NEBL: variants seen among roughly 807,000 people sequenced by gnomAD.
The protein encoded by NEBL is nebulette.
In NEBL, 122 loss-of-function variants were observed where a neutral mutation model predicts 140.2. That is an observed-to-expected ratio of 0.87 (90% confidence interval 0.75 to 1.01). NEBL has a LOEUF of 1.01. Among genes scored for constraint, NEBL ranks in the 50% least tolerant of loss-of-function variants. The pLI is 0.00. For missense variants in NEBL, 1,365 were observed against 1,231.3 expected (o/e 1.11, Z -1.62); for synonymous variants, 436 against 398.9 (o/e 1.09, Z -1.11).
At chr10:21,128,667 A>C (rs1056662687) in intron 2 of NEBL, among the ~76,000 whole-genome samples, 2 of 152,348 alleles carry the variant, frequency 1.3e-5, no homozygotes, top group South Asian at 2.1e-4. Flanking sequence ...AAAGCAAAAA[A>C]AAGGAAGACC....
At chr10:20,916,987 A>G (rs1833328500) in intron 4 of NEBL, among the ~76,000 whole-genome samples, 1 of 152,248 alleles carries the variant, frequency 6.6e-6, no homozygotes, top group South Asian at 2.1e-4. Flanking sequence ...TAGTAAATAT[A>G]AAATATCCTA....
chr10:20,809,884 GCC>G lies in NEBL; in HGVS notation c.2531_2532del (p.Trp844SerfsTer11), dbSNP rs1564343293. The G allele has an allele frequency of 6.2e-7, 1 of 1,602,408 alleles. No homozygotes were observed. The highest frequency in any genetic ancestry group is 8.5e-7 in the Non-Finnish European group (1 of 1,174,750). On this transcript the variant is annotated frameshift_variant, in exon 25 of 28. Transcript: ENST00000377122. LOFTEE classifies it high-confidence loss of function. The stretch of plus-strand genomic sequence containing the variant: ...TCGAAGATGGAGCCAGGATCTGTGC[GCC>G]AAACTTTGAGGTCTTTTGCCAAAAG... ...RPGIIVDLKV[W>X]RTDPGSIFDL...
chr10:20,911,010 A>G (rs564646581), intron 4 of NEBL, among the ~76,000 whole-genome samples: 28 of 151,922 alleles, frequency 1.8e-4, no homozygotes, highest in Non-Finnish European at 3.7e-4. Flanking sequence ...TCTAAAATAG[A>G]AAAACTAACT....
At chr10:20,805,001 A>G (rs915362309) in intron 26 of NEBL, among the ~76,000 whole-genome samples, 2 of 152,198 alleles carry the variant, frequency 1.3e-5, no homozygotes, top group South Asian at 4.1e-4. Context: ...ATGAGAGATG[A>G]CAGTGGCTGA....
chr10:21,178,457 A>G (rs1841336986), upstream of NEBL, among the ~76,000 whole-genome samples: 1 of 152,228 alleles, frequency 6.6e-6, no homozygotes, highest in African/African-American at 2.4e-5. Flanking sequence ...GAAATTTCTA[A>G]TTCACACCGG....
intron 4 of NEBL, among the ~76,000 whole-genome samples, chr10:20,912,292 T>C (rs1181359774): frequency 6.6e-6 from 1 of 152,248 alleles, no homozygotes; most frequent in South Asian, 2.1e-4. Context: ...ATGTTTGAAA[T>C]AAAAATGCAT....
intron 20 of NEBL, 97 bp downstream of exon 20, chr10:20,819,327 G>A: frequency 1.3e-6 from 2 of 1,578,650 alleles, no homozygotes; most frequent in East Asian, 2.3e-5. Flanking sequence ...ACGTTCCTGT[G>A]TTAGTTTGCT....
upstream of NEBL, among the ~76,000 whole-genome samples, chr10:21,178,518 C>T (rs1486016459): frequency 2.0e-5 from 3 of 152,172 alleles, no homozygotes; most frequent in Non-Finnish European, 4.4e-5. Context: ...CACATCTCAC[C>T]AGGAGTTGGA....
At chr10:20,969,572 GTC>G (rs1449935258) in intron 3 of NEBL, among the ~76,000 whole-genome samples, 1 of 129,782 alleles carries the variant, frequency 7.7e-6, no homozygotes, top group Non-Finnish European at 1.6e-5. Flanking sequence ...TTGAGACAGA[GTC>G]TCTCTCTGTC....
intron 6 of NEBL, 118 bp from the exon 7 acceptor site, chr10:20,868,883 C>T (rs1271270852): frequency 7.0e-6 from 5 of 715,514 alleles, no homozygotes; most frequent in Non-Finnish European, 1.2e-5. Flanking sequence ...TTCCTTACAA[C>T]ACATCAAACA....
Position 20,787,323 on chromosome 10 carries a change from T to TA in NEBL, c.2762-16dup. The TA allele has an allele frequency of 6.3e-7, 1 of 1,584,528 alleles. No individual in the cohort carries two copies. Among genetic ancestry groups the TA allele is most frequent in the Admixed American group, 1.7e-5 (1 of 59,570 alleles). ...AAGAACAGGTGCTGCATGTTAAACA[T>TA]ACACACACACAAAGATTCCTTAAAG... On this transcript the variant is annotated splice_polypyrimidine_tract_variant and intron_variant, in intron 26 of 27. Transcript: ENST00000377122.
intron 2 of NEBL, among the ~76,000 whole-genome samples, chr10:20,896,511 T>TATATATATATATATAC (rs1450819705): frequency 2.8e-5 from 4 of 142,774 alleles, no homozygotes; most frequent in Non-Finnish European, 6.1e-5. Flanking sequence ...TATATATATA[T>TATATATATATATATAC]ATATATGCAT....
chr10:21,110,415 T>C (rs1438628366), intron 2 of NEBL, among the ~76,000 whole-genome samples: 1 of 152,194 alleles, frequency 6.6e-6, no homozygotes, highest in Non-Finnish European at 1.5e-5. Flanking sequence ...GTAGAAGTTA[T>C]CAAATTTATT....
At chr10:21,098,137 A>G (rs1837284910) in intron 2 of NEBL, among the ~76,000 whole-genome samples, 1 of 152,172 alleles carries the variant, frequency 6.6e-6, no homozygotes, top group Non-Finnish European at 1.5e-5. Context: ...TATAACAGCA[A>G]TAGGGCTAAA....
Position 20,819,919 on chromosome 10 carries a change from G to A in NEBL, c.1963-403C>T, listed in dbSNP as rs182526625. Reference sequence around the variant, plus strand: ...TCAAATGTTTTAAGTCACACTTTTTGTTGTTTTCCTTCAGATTATATTATT... The same window carrying A: ...TCAAATGTTTTAAGTCACACTTTTTATTGTTTTCCTTCAGATTATATTATT... On this transcript the variant is annotated intron_variant, in intron 19 of 27. Coordinates refer to ENST00000377122, the MANE Select transcript of NEBL (RefSeq NM_006393.3). Among the ~76,000 whole-genome samples the A allele has an allele frequency of 1.1e-4, 17 of 152,050 alleles. 1 individual carries two copies. The highest frequency in any genetic ancestry group is 9.2e-4 in the Admixed American group (14 of 15,254).
At chr10:20,903,800 A>G (rs1056840898) in intron 4 of NEBL, among the ~76,000 whole-genome samples, 3 of 151,832 alleles carry the variant, frequency 2.0e-5, no homozygotes, top group East Asian at 1.9e-4. Context: ...TCTGTCACTC[A>G]TAAGTGGCAG....
At chr10:21,007,860 A>G (rs569978640) in intron 3 of NEBL, among the ~76,000 whole-genome samples, 1 of 152,316 alleles carries the variant, frequency 6.6e-6, no homozygotes, top group African/African-American at 2.4e-5. Flanking sequence ...CAGAAGTAAC[A>G]CTACATGTTT....
chr10:21,067,475 A>G lies in NEBL; in HGVS notation c.165-47274T>C, dbSNP rs566533981. Reference sequence around the variant, plus strand: ...CTTTATATCATAAAAAAGAGAAAGCAGGAGGAGGGAGGAGAACAAGAAGGG... The same window carrying G: ...CTTTATATCATAAAAAAGAGAAAGCGGGAGGAGGGAGGAGAACAAGAAGGG... On this transcript the variant is annotated intron_variant, in intron 2 of 6. Coordinates refer to the NEBL transcript ENST00000417816. 5.0e-4 allele frequency among the ~76,000 whole-genome samples: 76 copies of G among 152,330 alleles called. 1 individual carries two copies. In the Middle Eastern group the frequency reaches 0.01, roughly 20 times the overall value.
intron 2 of NEBL, among the ~76,000 whole-genome samples, chr10:21,077,436 T>G (rs1836152113): frequency 6.6e-6 from 1 of 151,934 alleles, no homozygotes; most frequent in Non-Finnish European, 1.5e-5. Context: ...TGAAACCCCA[T>G]CTCTACTAAA....
Sources: gnomAD v4.1 joint callset for allele counts (sites outside exome capture counted in the v4.1 genomes callset) on GRCh38, gnomAD v4.1.1 for gene constraint, MANE v1.5 for transcripts, NCBI Gene and HGNC (gene_info 2026-07-23, HGNC 2026-07-21) for gene names.